The following SIPA1L1 variants were observed in gnomAD, a reference collection of about 807,000 sequenced individuals.
The protein encoded by SIPA1L1 is signal induced proliferation associated 1 like 1, also known as signal-induced proliferation-associated 1-like protein 1.
In SIPA1L1, 26 loss-of-function variants were observed where a neutral mutation model predicts 162.7. The ratio of observed to expected loss-of-function variants is 0.16; its 90% CI spans 0.12 to 0.22. The LOEUF (loss-of-function observed/expected upper bound fraction) is 0.22. SIPA1L1 is among the 10% of genes least tolerant of loss of function. The pLI is 1.00. For synonymous variants in SIPA1L1, 829 were observed against 837.4 expected, an observed-to-expected ratio of 0.99 and a Z score of 0.17; for missense variants, 1,874 against 2,241.0, an observed-to-expected ratio of 0.84 and a Z score of 3.31.
In SIPA1L1 at chr14:71,685,315, A is replaced by T. The variant is rs764325375; in HGVS notation, c.3105-47A>T. ...GAATCAATGTGGTTCCACCAGCAAG[A>T]AAAAGCAGTATCCATTGTGTTTCTC... On this transcript the variant is annotated intron_variant, in intron 12 of 23. Coordinates refer to ENST00000381232, the MANE Select transcript of SIPA1L1 (RefSeq NM_001386936.1). 3 of 1,596,152 alleles carry T rather than the reference A, an allele frequency of 1.9e-6. No homozygotes were observed. The Admixed American group carries it at 5.1e-5, about 27-fold the overall frequency.
At chr14:71,629,896 T>C (rs1463164212) in intron 7 of SIPA1L1, among the ~76,000 whole-genome samples, 2 of 152,250 alleles carry the variant, frequency 1.3e-5, no homozygotes, top group Non-Finnish European at 2.9e-5. Context: ...TGAATAGCAC[T>C]GACCCTTTGA....
At chr14:71,565,112 G>A (rs2030132872) in intron 4 of SIPA1L1, among the ~76,000 whole-genome samples, 1 of 152,058 alleles carries the variant, frequency 6.6e-6, no homozygotes, top group South Asian at 2.1e-4. Flanking sequence ...TTCTTCTTTT[G>A]GAGTTTGTAT....
At chr14:71,578,586 T>C (rs2033462427) in intron 4 of SIPA1L1, among the ~76,000 whole-genome samples, 1 of 152,236 alleles carries the variant, frequency 6.6e-6, no homozygotes, top group Non-Finnish European at 1.5e-5. Context: ...ATAGTTTGTA[T>C]GTTACATGTA....
chr14:71,470,814 G>GT (rs553811738), intron 2 of SIPA1L1, among the ~76,000 whole-genome samples: 5 of 151,914 alleles, frequency 3.3e-5, no homozygotes, highest in East Asian at 3.9e-4. Flanking sequence ...AGGACTCAGA[G>GT]TTTTTTTTGT....
intron 5 of SIPA1L1, chr14:71,598,333 T>G: frequency 1.9e-6 from 1 of 539,732 alleles, no homozygotes; most frequent in Non-Finnish European, 2.4e-6. Context: ...GATCTCCAGG[T>G]ATCTCCCTTA....
intron 2 of SIPA1L1, among the ~76,000 whole-genome samples, chr14:71,490,072 G>A (rs1413447671): frequency 6.6e-6 from 1 of 152,156 alleles, no homozygotes; most frequent in African/African-American, 2.4e-5. Context: ...AGTAGAGAAG[G>A]TTATTGCTAA....
At chr14:71,411,679 C>T (rs1566988617) in intron 2 of SIPA1L1, among the ~76,000 whole-genome samples, 1 of 152,326 alleles carries the variant, frequency 6.6e-6, no homozygotes, top group Non-Finnish European at 1.5e-5. Flanking sequence ...CTGCCTCTGG[C>T]ACAGGTTCTA....
intron 7 of SIPA1L1, among the ~76,000 whole-genome samples, chr14:71,625,428 T>C (rs1265223841): frequency 6.6e-6 from 1 of 152,094 alleles, no homozygotes; most frequent in Non-Finnish European, 1.5e-5. Flanking sequence ...GCCTCTCGAG[T>C]AGCTGGGATT....
rs965781799 is a variant in SIPA1L1, at chr14:71,449,881, A to G, written c.-464-62862A>G. Reference sequence around the variant, plus strand: ...TGCCAGAAGGCTAACATTGGGAGAAAGGTCTTAAAATTGAGAAAATTCTCC... The same window carrying G: ...TGCCAGAAGGCTAACATTGGGAGAAGGGTCTTAAAATTGAGAAAATTCTCC... On this transcript the variant is annotated intron_variant, in intron 2 of 23. Coordinates refer to ENST00000381232, the MANE Select transcript of SIPA1L1 (RefSeq NM_001386936.1). Among the ~76,000 whole-genome samples, 6 of 152,220 alleles carry G rather than the reference A, an allele frequency of 3.9e-5. No homozygotes were observed. The South Asian group carries it at 1.0e-3, about 26-fold the overall frequency.
chr14:71,442,938 A>AAAAC (rs1041674266), intron 2 of SIPA1L1, among the ~76,000 whole-genome samples: 2 of 152,206 alleles, frequency 1.3e-5, no homozygotes, highest in South Asian at 2.1e-4. Flanking sequence ...TGTGTCTCTT[A>AAAAC]AAACAAACAA....
intron 2 of SIPA1L1, among the ~76,000 whole-genome samples, chr14:71,339,874 T>C (rs977363134): frequency 6.6e-6 from 1 of 152,208 alleles, no homozygotes; most frequent in Non-Finnish European, 1.5e-5. Context: ...ATTAGGACTC[T>C]GTGGGAGCCA....
At chr14:71,718,612 T>G (rs1411015690) in intron 17 of SIPA1L1, among the ~76,000 whole-genome samples, 1 of 152,222 alleles carries the variant, frequency 6.6e-6, no homozygotes, top group Non-Finnish European at 1.5e-5. Flanking sequence ...ATTGCACCAC[T>G]GCACTCTAGC....
At chr14:71,477,386 A>C (rs1337227077) in intron 2 of SIPA1L1, among the ~76,000 whole-genome samples, 1 of 152,144 alleles carries the variant, frequency 6.6e-6, no homozygotes, top group Admixed American at 6.5e-5. Context: ...AACAAAACAA[A>C]AAAAACAAAA....
chr14:71,634,070 A>C (rs2040864710), intron 7 of SIPA1L1, among the ~76,000 whole-genome samples: 1 of 151,760 alleles, frequency 6.6e-6, no homozygotes, highest in Non-Finnish European at 1.5e-5. Flanking sequence ...AAAAAAAAAA[A>C]CTTGAAAGAA....
intron 2 of SIPA1L1, among the ~76,000 whole-genome samples, chr14:71,327,196 C>G (rs1411563970): frequency 6.6e-6 from 1 of 151,422 alleles, no homozygotes; most frequent in Non-Finnish European, 1.5e-5. Flanking sequence ...GATTCTCCTG[C>G]AACAGCCTCC....
At chr14:71,425,451 C>T (rs549604704) in intron 2 of SIPA1L1, among the ~76,000 whole-genome samples, 9 of 152,172 alleles carry the variant, frequency 5.9e-5, no homozygotes, top group South Asian at 4.1e-4. Flanking sequence ...CTAATTTCCC[C>T]TGTGATTTCT....
Position 71,588,843 on chromosome 14 carries a change from C to G in SIPA1L1, c.971C>G (p.Pro324Arg), listed in dbSNP as rs150021348. The change falls in exon 5 of 24, where the codon CCC (proline) becomes CGC (arginine). Residue 324 changes from proline to arginine, a missense_variant. Pro to Arg is a moderately radical substitution (Grantham distance 103, BLOSUM62 -2). Transcript: ENST00000381232. This position sits in a 1 kb window ranked among gnomAD's most constrained non-coding sequence, Gnocchi z 4.3. ...AACCGATCAGAAGACTCTGTCAGGC[C>G]CTGGACATGTCCAAAGTGCTTTGCC... ...EDNRSEDSVRPWTCPKCFAHY... is the reference protein window; with the variant it reads ...EDNRSEDSVRRWTCPKCFAHY... 5.6e-6 allele frequency: 9 copies of G among 1,613,928 alleles called. No individual in the cohort carries two copies. The highest frequency in any genetic ancestry group is 2.7e-5 in the African/African-American group (2 of 74,894).
At chr14:71,425,640 C>T (rs537301511) in intron 2 of SIPA1L1, among the ~76,000 whole-genome samples, 2 of 152,182 alleles carry the variant, frequency 1.3e-5, no homozygotes, top group South Asian at 4.1e-4. Flanking sequence ...ATGGCTTGTC[C>T]TGGAAAATAT....
At chr14:71,626,100 A>G (rs541080983) in intron 7 of SIPA1L1, among the ~76,000 whole-genome samples, 22 of 152,178 alleles carry the variant, frequency 1.4e-4, no homozygotes, top group Non-Finnish European at 2.6e-4. Context: ...TGGCCTTCCT[A>G]TTCTTGGAAG....
Sources: gnomAD v4.1 joint callset for allele counts (sites outside exome capture counted in the v4.1 genomes callset) on GRCh38, gnomAD v4.1.1 for gene constraint, Gnocchi (gnomAD v3.1) non-coding constraint, MANE v1.5 for transcripts, NCBI Gene and HGNC (gene_info 2026-07-23, HGNC 2026-07-21) for gene names.